Variants in CNTNAP3B observed in about 807,000 individuals in gnomAD.
CNTNAP3B encodes contactin associated protein family member 3B.
Under a neutral mutation model 108.9 loss-of-function variants are expected in CNTNAP3B, and 25 were observed. The observed-to-expected ratio is 0.23, with a 90% CI of 0.17 to 0.32. The LOEUF (loss-of-function observed/expected upper bound fraction) is 0.32. Among genes scored for constraint, CNTNAP3B ranks in the 10% least tolerant of loss-of-function variants. The pLI, the probability that CNTNAP3B is intolerant of heterozygous loss-of-function variation, is 1.00. For synonymous variants in CNTNAP3B, 103 were observed against 473.4 expected, an observed-to-expected ratio of 0.22 and a Z score of 10.16; for missense variants, 252 against 1,210.4, an observed-to-expected ratio of 0.21 and a Z score of 11.75.
At chr9:42,105,732 C>G (rs1828083690) in intron 1 of CNTNAP3B, among the ~76,000 whole-genome samples, 2 of 100,500 alleles carry the variant, frequency 2.0e-5, no homozygotes, top group Non-Finnish European at 2.1e-5. Flanking sequence ...CCTGTAATCA[C>G]TGTACTTTCA....
intron 9 of CNTNAP3B, among the ~76,000 whole-genome samples, chr9:41,977,969 T>G (rs1417181913): frequency 2.9e-5 from 4 of 135,936 alleles, no homozygotes; most frequent in Non-Finnish European, 6.3e-5. Context: ...CAACATAATT[T>G]TAAAAGGATT....
At chr9:41,938,855 A>T (rs1453527702) in intron 13 of CNTNAP3B, among the ~76,000 whole-genome samples, 16 of 152,412 alleles carry the variant, frequency 1.0e-4, no homozygotes, top group African/African-American at 3.8e-4. Context: ...ATTTGGAAAG[A>T]TATGGTATTC....
At chr9:41,965,199 C>A (rs1825232940) in intron 10 of CNTNAP3B, among the ~76,000 whole-genome samples, 3 of 152,418 alleles carry the variant, frequency 2.0e-5, no homozygotes, top group African/African-American at 7.2e-5. Context: ...TGACCCAAAG[C>A]AATCCACAAA....
In CNTNAP3B at chr9:42,114,966, A is replaced by G. The variant is rs1212037595; in HGVS notation, c.86-10227T>C. On this transcript the variant is annotated intron_variant, in intron 1 of 23. Transcript: ENST00000377561. ...CTACTCGGGAGGCTGAGGCAGGAGA[A>G]TCACTGGAACCCGGGAGGTGGAGGT... Among the ~76,000 whole-genome samples, 2 of 136,260 alleles carry G rather than the reference A, an allele frequency of 1.5e-5. 1 individual carries two copies. The highest frequency in any genetic ancestry group is 5.9e-5 in the African/African-American group (2 of 33,850). The allele number at this position is 136,260 out of a possible 152,430, so 89.4% of individuals were successfully genotyped here. A position where few individuals can be genotyped will look rare whatever the true frequency, so the allele number is the denominator to read the frequency against.
intron 16 of CNTNAP3B, 61 bp downstream of exon 16, chr9:41,923,862 G>A (rs1177467075): frequency 4.4e-6 from 7 of 1,595,194 alleles, no homozygotes; most frequent in Admixed American, 1.8e-5. Flanking sequence ...ATTTTGTTGA[G>A]TTAAAGCTTT....
At chr9:41,994,847 C>T in intron 7 of CNTNAP3B, 1 of 184,756 alleles carries the variant, frequency 5.4e-6, no homozygotes, top group South Asian at 3.0e-5. Context: ...TGATGTGCTG[C>T]TGAGATACAC....
At chr9:41,933,464 A>T (rs1824042882) in intron 14 of CNTNAP3B, among the ~76,000 whole-genome samples, 1 of 140,454 alleles carries the variant, frequency 7.1e-6, no homozygotes, top group South Asian at 2.3e-4. Context: ...AATTCTCTTG[A>T]ATAAGTTTTG....
At chr9:42,124,955 A>G (rs1176499222) in intron 1 of CNTNAP3B, among the ~76,000 whole-genome samples, 5 of 136,604 alleles carry the variant, frequency 3.7e-5, no homozygotes, top group Non-Finnish European at 7.8e-5. Flanking sequence ...GAGTTTTTCT[A>G]TTGGTCCATG....
intron 14 of CNTNAP3B, among the ~76,000 whole-genome samples, chr9:41,934,021 C>T (rs1327075332): frequency 6.6e-6 from 1 of 150,902 alleles, no homozygotes; most frequent in African/African-American, 2.4e-5. Context: ...TTCTTACCTG[C>T]TTCACTTACT....
intron 9 of CNTNAP3B, chr9:41,983,329 C>T (rs566737631): frequency 5.6e-5 from 5 of 88,900 alleles, no homozygotes; most frequent in South Asian, 4.0e-4. Context: ...TGGACCTATT[C>T]AATCTGGGCT....
intron 13 of CNTNAP3B, among the ~76,000 whole-genome samples, chr9:41,950,728 T>C (rs1824649543): frequency 6.9e-6 from 1 of 144,838 alleles, no homozygotes; most frequent in Non-Finnish European, 1.5e-5. Flanking sequence ...TAACGAGCAA[T>C]AGAGCAATAG....
chr9:41,927,634 A>G (rs1425418523), intron 15 of CNTNAP3B, among the ~76,000 whole-genome samples: 8 of 150,974 alleles, frequency 5.3e-5, no homozygotes, highest in African/African-American at 1.9e-4. Flanking sequence ...AAATTTCATA[A>G]GAGTTTCACA....
chr9:42,110,163 T>A (rs1828166159), intron 1 of CNTNAP3B, among the ~76,000 whole-genome samples: 1 of 128,960 alleles, frequency 7.8e-6, no homozygotes, highest in Non-Finnish European at 1.6e-5. Flanking sequence ...ACACTTTATA[T>A]GGAATTACAT....
chr9:42,096,668 A>AT (rs1827907556), intron 2 of CNTNAP3B, among the ~76,000 whole-genome samples: 1 of 115,768 alleles, frequency 8.6e-6, no homozygotes, highest in Non-Finnish European at 1.8e-5. Flanking sequence ...TTTTATTTCC[A>AT]TTTTTAAACC....
At chr9:42,070,542 C>T (rs570499962) in intron 3 of CNTNAP3B, among the ~76,000 whole-genome samples, 2 of 142,966 alleles carry the variant, frequency 1.4e-5, no homozygotes, top group Admixed American at 6.9e-5. Context: ...GGTAGCTACC[C>T]AGCCACACCC....
rs2118626530 is a variant in CNTNAP3B at position 42,079,623 on chromosome 9, G to A, written c.197-2561C>T. On this transcript the variant is annotated intron_variant, in intron 2 of 23. Transcript: ENST00000377561. The stretch of plus-strand genomic sequence containing the variant: ...TGCAACCTCCAACTCCCTGGTTCAA[G>A]CAATTCTCCTGCCTCAGCCACCCAA... 1.5e-5 allele frequency among the ~76,000 whole-genome samples: 2 copies of A among 134,770 alleles called. 1 individual carries two copies. Among genetic ancestry groups the A allele is most frequent in the South Asian group, 4.9e-4 (2 of 4,104 alleles). The allele number at this position is 134,770 out of a possible 152,430, so 88.4% of individuals were successfully genotyped here. A position where few individuals can be genotyped will look rare whatever the true frequency, so the allele number is the denominator to read the frequency against.
intron 3 of CNTNAP3B, among the ~76,000 whole-genome samples, chr9:42,060,168 G>T (rs1239827070): frequency 7.2e-6 from 1 of 138,966 alleles, no homozygotes; most frequent in Non-Finnish European, 1.5e-5. Flanking sequence ...TTTGTCATAT[G>T]TGACCCTTAT....
chr9:41,979,118 C>T (rs1382937110), intron 9 of CNTNAP3B, among the ~76,000 whole-genome samples: 1 of 133,876 alleles, frequency 7.5e-6, no homozygotes, highest in Non-Finnish European at 1.6e-5. Flanking sequence ...AGGCGTTGTT[C>T]CTGCATGTTG....
intron 10 of CNTNAP3B, among the ~76,000 whole-genome samples, chr9:41,967,623 G>A (rs538376135): frequency 9.2e-5 from 14 of 152,290 alleles, no homozygotes. Flanking sequence ...TGAATTTTCA[G>A]TATTTTCAGG....
Sources: gnomAD v4.1 joint callset for allele counts (sites outside exome capture counted in the v4.1 genomes callset) on GRCh38, gnomAD v4.1.1 for gene constraint, MANE v1.5 for transcripts, NCBI Gene and HGNC (gene_info 2026-07-23, HGNC 2026-07-21) for gene names.